PTK2B: variants seen among roughly 807,000 people sequenced by gnomAD.
PTK2B encodes the protein protein tyrosine kinase 2 beta.
Under a neutral mutation model 142.9 loss-of-function variants are expected in PTK2B, and 71 were observed. The ratio of observed to expected loss-of-function variants is 0.50; its 90% CI spans 0.41 to 0.61. The LOEUF is 0.61. Ranked by LOEUF, PTK2B falls within the 20% of genes least tolerant of loss-of-function variation. PTK2B has a pLI of 0.00. For synonymous variants in PTK2B, 519 were observed against 503.4 expected (o/e 1.03, Z -0.42); for missense variants, 1,105 against 1,320.4 (o/e 0.84, Z 2.53).
chr8:27,362,316 A>G (rs530174809), intron 1 of PTK2B, among the ~76,000 whole-genome samples: 2 of 152,242 alleles, frequency 1.3e-5, no homozygotes, highest in East Asian at 1.9e-4. Context: ...GGCAGGCCCT[A>G]TCGGCATGGC....
At chr8:27,334,546 C>T (rs578120465) in intron 1 of PTK2B, among the ~76,000 whole-genome samples, 2 of 152,336 alleles carry the variant, frequency 1.3e-5, no homozygotes, top group Non-Finnish European at 2.9e-5. Flanking sequence ...TGGGATCTCC[C>T]AGAATCTATT....
rs1417600408 is a variant in PTK2B at position 27,314,931 on chromosome 8, T to A, written c.-414+1644T>A. Among the ~76,000 whole-genome samples the A allele has an allele frequency of 2.0e-5, 3 of 152,154 alleles. No individual in the cohort carries two copies. In the East Asian group the frequency reaches 5.8e-4, roughly 29 times the overall value. On this transcript the variant is annotated intron_variant, in intron 3 of 35. Transcript: ENST00000397501. ...GCCCAGGTGACAGAGCCAGACCCTGTCTCAAAAAAATAAATAAACTTCTAT... is the reference window on the plus strand; with the variant it reads ...GCCCAGGTGACAGAGCCAGACCCTGACTCAAAAAAATAAATAAACTTCTAT...
Position 27,445,857 on chromosome 8 carries a change from G to T in PTK2B, c.2278G>T (p.Val760Phe), listed in dbSNP as rs144910489. The T allele has an allele frequency of 1.2e-6, 2 of 1,613,902 alleles. No homozygotes were observed. Among genetic ancestry groups the T allele is most frequent in the Non-Finnish European group, 1.7e-6 (2 of 1,180,034 alleles). Reference protein sequence around the residue: ...LTSPMEYPSPVNSLHTPPLHR... With the variant: ...LTSPMEYPSPFNSLHTPPLHR... ...CAGCCCTATGGAGTATCCATCTCCC[G>T]TTAACTCACTGCACACCCCACCTCT... Residue 760 changes from valine to phenylalanine, a missense_variant, in exon 24 of 31, where the codon GTT (valine) becomes TTT (phenylalanine). Val to Phe is a conservative substitution (Grantham distance 50). Coordinates refer to ENST00000346049, the MANE Select transcript of PTK2B (RefSeq NM_173176.3).
At chr8:27,372,825 C>A (rs1289291788) in intron 1 of PTK2B, among the ~76,000 whole-genome samples, 1 of 152,112 alleles carries the variant, frequency 6.6e-6, no homozygotes, top group African/African-American at 2.4e-5. Flanking sequence ...GGAACTTGAT[C>A]CAGTCCAAAG....
intron 19 of PTK2B, 86 bp downstream of exon 19, chr8:27,439,217 AG>A: frequency 6.4e-7 from 1 of 1,563,656 alleles, no homozygotes; most frequent in South Asian, 1.1e-5. Context: ...ACAGTTGGAC[AG>A]CCCAGGCTAA....
chr8:27,311,150 C>T (rs369514645), upstream of PTK2B: 19 of 1,606,236 alleles, frequency 1.2e-5, no homozygotes, highest in Non-Finnish European at 1.5e-5. Context: ...GACTGCGTCG[C>T]GGAAGGGGTC....
At chr8:27,322,043 G>T (rs535032609), upstream of PTK2B, among the ~76,000 whole-genome samples, 18 of 151,822 alleles carry the variant, frequency 1.2e-4, no homozygotes, top group African/African-American at 4.4e-4. Context: ...AGGCTGGAGT[G>T]CAGTGGCATG....
intron 28 of PTK2B, among the ~76,000 whole-genome samples, chr8:27,453,543 C>T (rs1001982234): frequency 6.6e-6 from 1 of 152,144 alleles, no homozygotes; most frequent in Non-Finnish European, 1.5e-5. Flanking sequence ...AACAGTGGTT[C>T]TCAGCCTTGG....
chr8:27,341,034 G>A (rs931091786), intron 1 of PTK2B, among the ~76,000 whole-genome samples: 1 of 152,150 alleles, frequency 6.6e-6, no homozygotes, highest in East Asian at 1.9e-4. Flanking sequence ...GGGTGGCCTG[G>A]CAGCTATTTT....
At position 27,419,426 on chromosome 8, in the gene PTK2B, A is replaced by G. The variant is rs536833825; in HGVS notation, c.205-469A>G. On this transcript the variant is annotated intron_variant, in intron 2 of 30. Coordinates refer to ENST00000346049, the MANE Select transcript of PTK2B (RefSeq NM_173176.3). ...TTGTGGGACATATATTAGTTTCTCC[A>G]TCAGCCACACGGGATGGTAACACCT... Among the ~76,000 whole-genome samples the G allele has an allele frequency of 5.3e-5, 8 of 152,272 alleles. No individual in the cohort carries two copies. In the South Asian group the frequency reaches 6.2e-4, roughly 12 times the overall value.
At chr8:27,341,821 C>T (rs1586116060) in intron 1 of PTK2B, among the ~76,000 whole-genome samples, 1 of 152,026 alleles carries the variant, frequency 6.6e-6, no homozygotes, top group African/African-American at 2.4e-5. Flanking sequence ...CTACAGGCAC[C>T]CACCATCACA....
At chr8:27,393,389 C>T (rs1563247666) in intron 1 of PTK2B, among the ~76,000 whole-genome samples, 1 of 152,178 alleles carries the variant, frequency 6.6e-6, no homozygotes, top group Non-Finnish European at 1.5e-5. Flanking sequence ...ACAGAAATGA[C>T]TGCTGAAATA....
At chr8:27,333,486 A>G (rs943465227) in intron 1 of PTK2B, among the ~76,000 whole-genome samples, 4 of 152,216 alleles carry the variant, frequency 2.6e-5, no homozygotes, top group Non-Finnish European at 5.9e-5. Context: ...GGCCTCACAC[A>G]TCTGAATAAA....
chr8:27,323,876 G>T (rs560990927), upstream of PTK2B, among the ~76,000 whole-genome samples: 2 of 152,098 alleles, frequency 1.3e-5, no homozygotes, highest in Non-Finnish European at 2.9e-5. Flanking sequence ...CCCAGAATTG[G>T]TCCCAGCAAG....
intron 1 of PTK2B, among the ~76,000 whole-genome samples, chr8:27,349,619 G>A (rs1487141733): frequency 1.3e-5 from 2 of 152,210 alleles, no homozygotes; most frequent in Non-Finnish European, 2.9e-5. Context: ...CTGTAAAATG[G>A]AGCGAAGAGC....
At chr8:27,423,135 C>G (rs534673757) in intron 5 of PTK2B, among the ~76,000 whole-genome samples, 30 of 151,980 alleles carry the variant, frequency 2.0e-4, no homozygotes, top group Non-Finnish European at 3.8e-4. Flanking sequence ...AATGGCAGTC[C>G]AATGATATCA....
chr8:27,353,902 C>A (rs1281946259), intron 1 of PTK2B, among the ~76,000 whole-genome samples: 1 of 152,154 alleles, frequency 6.6e-6, no homozygotes, highest in African/African-American at 2.4e-5. Context: ...TCCCAGCACT[C>A]TTTTAGTTGC....
intron 1 of PTK2B, among the ~76,000 whole-genome samples, chr8:27,393,203 C>A (rs1395855564): frequency 1.3e-5 from 2 of 152,168 alleles, no homozygotes; most frequent in African/African-American, 2.4e-5. Context: ...TCACTCCTGC[C>A]CACCTCCCAG....
chr8:27,438,183 T>C (rs1586326704), intron 18 of PTK2B, among the ~76,000 whole-genome samples: 1 of 152,170 alleles, frequency 6.6e-6, no homozygotes, highest in Admixed American at 6.5e-5. Context: ...CCAACCTTGC[T>C]CAGAGCTTGC....
Sources: gnomAD v4.1 joint callset for allele counts (sites outside exome capture counted in the v4.1 genomes callset) on GRCh38, gnomAD v4.1.1 for gene constraint, MANE v1.5 for transcripts, NCBI Gene and HGNC (gene_info 2026-07-23, HGNC 2026-07-21) for gene names.